The following G3BP2 variants were observed in gnomAD, a reference collection of about 807,000 sequenced individuals.
G3BP2 encodes ras GTPase-activating protein-binding protein 2.
G3BP2 carries 11 observed loss-of-function variants against 56.7 expected under a neutral mutation model. The ratio of observed to expected loss-of-function variants is 0.19; its 90% CI spans 0.12 to 0.32. G3BP2 has a LOEUF of 0.32. G3BP2 is among the 10% of genes least tolerant of loss of function. The probability of loss-of-function intolerance (pLI) is 1.00; values close to 1 mark genes in which losing one functional copy is unlikely to be tolerated. For synonymous variants in G3BP2, 165 were observed against 191.6 expected (o/e 0.86, Z 1.15); for missense variants, 340 against 610.9 (o/e 0.56, Z 4.67).
intron 2 of G3BP2, 94 bp downstream of exon 2, chr4:75,661,837 T>A: frequency 1.5e-6 from 1 of 653,326 alleles, no homozygotes; most frequent in South Asian, 1.9e-5. Flanking sequence ...AAAGATACTG[T>A]CAGATAATGA....
At chr4:75,718,090 A>C (rs7356270) in intron 3 of G3BP2, among the ~76,000 whole-genome samples, 135,931 of 151,676 alleles carry the variant, frequency 0.9, 60,987 homozygotes, top group African/African-American at 0.94. Context: ...GAGCCAAGGT[A>C]GCATCACTGC....
chr4:75,675,883 C>T (rs182249710), upstream of G3BP2, among the ~76,000 whole-genome samples: 2 of 152,054 alleles, frequency 1.3e-5, no homozygotes, highest in East Asian at 3.8e-4. Flanking sequence ...TGGTTTTGAG[C>T]GCCACGTATG....
In G3BP2 at chr4:75,710,001, A is replaced by C. The variant is rs1250847306; in HGVS notation, c.-25+10876T>G. 2.0e-5 allele frequency among the ~76,000 whole-genome samples: 3 copies of C among 152,182 alleles called. No homozygotes were observed. The East Asian group carries it at 5.8e-4, about 29-fold the overall frequency. On this transcript the variant is annotated intron_variant, in intron 3 of 3. Coordinates refer to the G3BP2 transcript ENST00000499709. ...GTATAGACTAAGGTCAGCTAATTCC[A>C]TTTAATGGGAAAAAAGAGCTTATTG...
upstream of G3BP2, chr4:75,673,607 A>G (rs1291391571): frequency 8.1e-7 from 1 of 1,231,330 alleles, no homozygotes; most frequent in African/African-American, 1.6e-5. Flanking sequence ...GGGAACCGGA[A>G]CCGGCCTAAA....
At chr4:75,692,453 A>G (rs1718899356) in intron 3 of G3BP2, among the ~76,000 whole-genome samples, 1 of 152,134 alleles carries the variant, frequency 6.6e-6, no homozygotes, top group East Asian at 1.9e-4. Flanking sequence ...CTGGGACTAC[A>G]GGCGCGGGCC....
intron 8 of G3BP2, among the ~76,000 whole-genome samples, chr4:75,653,646 C>T (rs1731879445): frequency 6.8e-6 from 1 of 147,392 alleles, no homozygotes; most frequent in Non-Finnish European, 1.5e-5. Context: ...CTTTGTGCCT[C>T]TCCGAATTTC....
In G3BP2 at chr4:75,678,496, T is replaced by C. The variant is rs555325745; in HGVS notation, c.-24-16447A>G. 3.7e-4 allele frequency among the ~76,000 whole-genome samples: 57 copies of C among 152,296 alleles called. No homozygotes were observed. The South Asian group carries it at 0.012, about 31-fold the overall frequency. ...AGCAGCCCAAATAGACTAAAACAAA[T>C]GATAATGCTGTCAACAGCATAGTAT... On this transcript the variant is annotated intron_variant, in intron 3 of 3. Transcript: ENST00000499709.
intron 3 of G3BP2, among the ~76,000 whole-genome samples, chr4:75,682,002 A>G (rs1578424655): frequency 6.6e-6 from 1 of 152,180 alleles, no homozygotes; most frequent in African/African-American, 2.4e-5. Context: ...GACATGACCA[A>G]CCAGAGGGTA....
At chr4:75,681,879 T>C in intron 3 of G3BP2, among the ~76,000 whole-genome samples, 1 of 149,842 alleles carries the variant, frequency 6.7e-6, no homozygotes, top group African/African-American at 2.5e-5. Context: ...ATTATAACAA[T>C]ATGCCAGCAT....
chr4:75,714,977 T>C (rs911379061), intron 3 of G3BP2, among the ~76,000 whole-genome samples: 2 of 152,206 alleles, frequency 1.3e-5, no homozygotes, highest in East Asian at 1.9e-4. Context: ...TGGTGTTCTA[T>C]TGCAGCACGT....
intron 2 of G3BP2, among the ~76,000 whole-genome samples, chr4:75,659,878 G>C (rs1165489432): frequency 6.6e-6 from 1 of 152,092 alleles, no homozygotes; most frequent in South Asian, 2.1e-4. Flanking sequence ...TGTACTACTG[G>C]CAATGTTTTC....
intron 1 of G3BP2, among the ~76,000 whole-genome samples, chr4:75,668,544 T>C (rs1733240234): frequency 1.3e-5 from 2 of 152,066 alleles, no homozygotes; most frequent in Admixed American, 6.5e-5. Context: ...AAATATCAAA[T>C]AGAGCTACTT....
chr4:75,655,742 T>G (rs1420823350), intron 6 of G3BP2, 26 bp downstream of exon 6: 4 of 1,263,752 alleles, frequency 3.2e-6, no homozygotes, highest in Middle Eastern at 1.9e-4. Context: ...TCAGACCAAA[T>G]TTAACCTTGC....
At chr4:75,684,242 A>G (rs557854791) in intron 3 of G3BP2, among the ~76,000 whole-genome samples, 2 of 151,976 alleles carry the variant, frequency 1.3e-5, no homozygotes, top group Non-Finnish European at 2.9e-5. Context: ...ATCTCTACTA[A>G]AAATACAAAA....
rs927583458 is a variant in G3BP2, at chr4:75,645,540, G to C, written c.1339C>G (p.Arg447Gly). 6.2e-7 allele frequency: 1 copy of C among 1,613,512 alleles called. No homozygotes were observed. The highest frequency in any genetic ancestry group is 8.5e-7 in the Non-Finnish European group (1 of 1,179,938). ...GGAGGTCCTCTTCCATCACGATCAC[G>C]CATCATTCCACCACCCACAATTCCA... is the stretch of plus-strand genomic sequence containing the variant. Reference protein sequence around the residue: ...PRGIVGGGMMRDRDGRGPPPR... With the variant: ...PRGIVGGGMMGDRDGRGPPPR... Residue 447 changes from arginine to glycine, a missense_variant, in exon 12 of 12, where the codon CGT becomes GGT. Arg to Gly is a moderately radical substitution (Grantham distance 125). This residue lies in a region of G3BP2 where 94 missense variants were observed against 173.8 expected (regional missense o/e 0.54). Coordinates refer to ENST00000359707, the MANE Select transcript of G3BP2 (RefSeq NM_203505.3).
chr4:75,682,170 A>G (rs574207341), intron 3 of G3BP2, among the ~76,000 whole-genome samples: 1 of 152,136 alleles, frequency 6.6e-6, no homozygotes, highest in South Asian at 2.1e-4. Flanking sequence ...TAATCCCAGC[A>G]CTTTGGGAGG....
Position 75,673,264 on chromosome 4 carries a change from A to C in G3BP2, c.-81T>G, listed in dbSNP as rs994957171. On this transcript the variant is annotated 5_prime_UTR_variant, in exon 1 of 12. Coordinates refer to ENST00000359707, the MANE Select transcript of G3BP2 (RefSeq NM_203505.3). ...GCGGAGGTCAGAAGAGTCGCTGAGG[A>C]CCGGGTGCGGCGGGTTCTTATTGCT... 4.9e-6 allele frequency: 6 copies of C among 1,223,406 alleles called. No individual in the cohort carries two copies. Among genetic ancestry groups the C allele is most frequent in the South Asian group, 4.3e-5 (1 of 23,426 alleles). The allele number at this position is 1,223,406 out of a possible 1,614,324, so 75.8% of individuals were successfully genotyped here. A position where few individuals can be genotyped will look rare whatever the true frequency, so the allele number is the denominator to read the frequency against.
chr4:75,660,871 T>C (rs957860891), intron 2 of G3BP2, among the ~76,000 whole-genome samples: 14 of 152,204 alleles, frequency 9.2e-5, no homozygotes, highest in Non-Finnish European at 1.8e-4. Context: ...AATTAAATAC[T>C]ACACATAATA....
In G3BP2 at chr4:75,720,079, C is replaced by G. The variant is rs1386825477; in HGVS notation, c.-25+798G>C. On this transcript the variant is annotated intron_variant, in intron 3 of 3. Coordinates refer to the G3BP2 transcript ENST00000499709. ...TCACCTGGGCTGGAGTGCAGTGGCA[C>G]AATCTTGACTCACTGCAACTTCAAG... Among the ~76,000 whole-genome samples, 4 of 121,234 alleles carry G rather than the reference C, an allele frequency of 3.3e-5. No homozygotes were observed. In the East Asian group the frequency reaches 1.2e-3, roughly 36 times the overall value. 79.5% of individuals were successfully genotyped at this position (121,234 alleles called of 152,430 possible). A position where few individuals can be genotyped will look rare whatever the true frequency, so the allele number is the denominator to read the frequency against.
Sources: allele counts gnomAD v4.1 joint callset (sites outside exome capture counted in the v4.1 genomes callset), GRCh38; gene constraint gnomAD v4.1.1; regional missense constraint gnomAD v4.1.1; transcripts MANE v1.5; gene names NCBI Gene and HGNC (gene_info 2026-07-23, HGNC 2026-07-21).